UBE3D: variants seen among roughly 807,000 people sequenced by gnomAD.
UBE3D encodes ubiquitin protein ligase E3D, also known as E3 ubiquitin-protein ligase E3D.
A neutral mutation model predicts 49.6 loss-of-function variants in UBE3D; 48 were observed. The ratio of observed to expected loss-of-function variants is 0.97; its 90% CI spans 0.77 to 1.23. UBE3D has a LOEUF of 1.23. UBE3D is among the 50% of genes most tolerant of loss of function. The pLI, the probability that UBE3D is intolerant of heterozygous loss-of-function variation, is 0.00. For synonymous variants in UBE3D, 189 were observed against 174.2 expected, an observed-to-expected ratio of 1.08 and a Z score of -0.67; for missense variants, 452 against 468.4, an observed-to-expected ratio of 0.96 and a Z score of 0.32.
chr6:83,003,653 C>T (rs565030222), intron 8 of UBE3D, among the ~76,000 whole-genome samples: 3 of 152,238 alleles, frequency 2.0e-5, no homozygotes, highest in South Asian at 2.1e-4. Context: ...AGACCCATAG[C>T]GCACATTACT....
At chr6:82,941,015 C>T (rs1002951375) in intron 9 of UBE3D, among the ~76,000 whole-genome samples, 8 of 152,204 alleles carry the variant, frequency 5.3e-5, no homozygotes, top group South Asian at 2.1e-4. Context: ...GAGTTCAAGA[C>T]GAGCCTGGCC....
At chr6:83,020,888 T>G (rs1240459275) in intron 7 of UBE3D, among the ~76,000 whole-genome samples, 1 of 152,204 alleles carries the variant, frequency 6.6e-6, no homozygotes, top group Non-Finnish European at 1.5e-5. Context: ...GTGTCTTTCA[T>G]ATAAGAAGTG....
intron 3 of UBE3D, among the ~76,000 whole-genome samples, chr6:83,050,193 A>C (rs1394173877): frequency 2.6e-5 from 4 of 151,982 alleles, no homozygotes; most frequent in Admixed American, 2.0e-4. Context: ...TACTGTTTAA[A>C]CTGTCCTCTA....
At chr6:83,064,564 G>A (rs1373574204) in intron 1 of UBE3D, among the ~76,000 whole-genome samples, 1 of 152,104 alleles carries the variant, frequency 6.6e-6, no homozygotes. Flanking sequence ...AACTGTGAAA[G>A]GCCCCTGCAT....
intron 2 of UBE3D, among the ~76,000 whole-genome samples, chr6:83,055,733 A>G (rs1177128213): frequency 2.0e-5 from 3 of 152,212 alleles, no homozygotes; most frequent in Non-Finnish European, 4.4e-5. Flanking sequence ...GCAGTATACC[A>G]GTATGATGTT....
At chr6:83,022,616 G>C in intron 6 of UBE3D, 55 bp from the exon 7 acceptor site, 2 of 1,289,888 alleles carry the variant, frequency 1.6e-6, no homozygotes, top group African/African-American at 1.5e-5. Context: ...ACTCTAACTG[G>C]CAAGATAAGC....
At chr6:83,012,741 T>C (rs1780431213) in intron 8 of UBE3D, among the ~76,000 whole-genome samples, 1 of 152,216 alleles carries the variant, frequency 6.6e-6, no homozygotes, top group Non-Finnish European at 1.5e-5. Context: ...TGTCAAACCA[T>C]TGGCTACAGC....
chr6:82,933,857 G>C (rs1402814033), intron 9 of UBE3D, among the ~76,000 whole-genome samples: 1 of 152,176 alleles, frequency 6.6e-6, no homozygotes, highest in Non-Finnish European at 1.5e-5. Flanking sequence ...CCATGGACCA[G>C]AAGCACACAG....
intron 5 of UBE3D, among the ~76,000 whole-genome samples, chr6:83,031,903 T>C (rs113894339): frequency 5.3e-4 from 80 of 152,284 alleles, no homozygotes; most frequent in African/African-American, 1.8e-3. Flanking sequence ...TTCCATGTGG[T>C]GACAAGCCTG....
rs1216278765 is a variant in UBE3D, at chr6:82,942,230, G to C, written c.1149+15082C>G. On this transcript the variant is annotated intron_variant, in intron 9 of 9. Transcript: ENST00000369747. ...GTCACTCTTGCTATGTTTTAGCAAA[G>C]AGACTGGAGGCATTTTGCCCCTGTC... Among the ~76,000 whole-genome samples the C allele has an allele frequency of 2.0e-5, 3 of 152,198 alleles. No homozygotes were observed. The East Asian group carries it at 5.8e-4, about 29-fold the overall frequency.
In UBE3D at chr6:83,001,528, T is replaced by C. The variant is rs776660745; in HGVS notation, c.1010+17445A>G. Among the ~76,000 whole-genome samples, 3 of 152,222 alleles carry C rather than the reference T, an allele frequency of 2.0e-5. 1 individual carries two copies. Among genetic ancestry groups the C allele is most frequent in the Non-Finnish European group, 4.4e-5 (3 of 68,040 alleles). On this transcript the variant is annotated intron_variant, in intron 8 of 9. Transcript: ENST00000369747. ...TTTCCTACAGCAGCCTTGTAGGATG[T>C]AGCCTTAGCTTTAGCTTCTCTCCAG...
chr6:82,949,097 T>C (rs905488804), intron 9 of UBE3D, among the ~76,000 whole-genome samples: 1 of 152,062 alleles, frequency 6.6e-6, no homozygotes, highest in African/African-American at 2.4e-5. Context: ...TGGCAGATGA[T>C]ATGATCTTAT....
intron 8 of UBE3D, among the ~76,000 whole-genome samples, chr6:82,991,734 G>A (rs1778898835): frequency 6.6e-6 from 1 of 152,062 alleles, no homozygotes; most frequent in Admixed American, 6.5e-5. Flanking sequence ...AGCAATCCCT[G>A]AGCAGTTAAG....
intron 7 of UBE3D, among the ~76,000 whole-genome samples, chr6:83,019,480 A>T (rs1186938334): frequency 6.6e-6 from 1 of 152,244 alleles, no homozygotes; most frequent in Non-Finnish European, 1.5e-5. Flanking sequence ...AATGATAAAT[A>T]AACATATATT....
chr6:82,929,288 G>A (rs545296236), intron 9 of UBE3D, among the ~76,000 whole-genome samples: 11 of 152,008 alleles, frequency 7.2e-5, no homozygotes, highest in South Asian at 2.1e-4. Flanking sequence ...TAAAATTCTC[G>A]GTTTTACCAT....
chr6:83,063,412 T>TAAAAAAAAAAAAAAAAAAAAA (rs201669450), intron 1 of UBE3D, among the ~76,000 whole-genome samples: 7 of 45,488 alleles, frequency 1.5e-4, no homozygotes, highest in East Asian at 4.3e-4. Flanking sequence ...AGACGCTGTC[T>TAAAAAAAAAAAAAAAAAAAAA]AAAAAAAAAA....
chr6:82,887,718 A>AAAAG (rs1770915038), downstream of UBE3D, among the ~76,000 whole-genome samples: 1 of 151,940 alleles, frequency 6.6e-6, no homozygotes, highest in African/African-American at 2.4e-5. Flanking sequence ...CCCCAAAAAA[A>AAAAG]AAGAAAGAAA....
chr6:83,022,874 T>A (rs955244462), intron 6 of UBE3D, among the ~76,000 whole-genome samples: 14 of 152,226 alleles, frequency 9.2e-5, no homozygotes, highest in African/African-American at 3.4e-4. Flanking sequence ...ATTTGTGCTG[T>A]AGCATATTAA....
At chr6:83,017,944 G>A (rs1020732883) in intron 8 of UBE3D, 1 of 151,874 alleles carries the variant, frequency 6.6e-6, no homozygotes, top group African/African-American at 2.4e-5. Context: ...CTAAGACATG[G>A]GCTTTTTTTA....
Sources: allele counts gnomAD v4.1 joint callset (sites outside exome capture counted in the v4.1 genomes callset), GRCh38; gene constraint gnomAD v4.1.1; transcripts MANE v1.5; gene names NCBI Gene and HGNC (gene_info 2026-07-23, HGNC 2026-07-21).